B4GALNT3: variants seen among roughly 807,000 people sequenced by gnomAD.
B4GALNT3 encodes the protein beta-1,4-N-acetylgalactosaminyltransferase 3.
In B4GALNT3, 86 loss-of-function variants were observed where a neutral mutation model predicts 120.2. The observed-to-expected ratio is 0.72, with a 90% CI of 0.60 to 0.86. The LOEUF (loss-of-function observed/expected upper bound fraction) is 0.86. B4GALNT3 is among the 40% of genes least tolerant of loss of function. The probability of loss-of-function intolerance (pLI) is 0.00; values close to 1 mark genes in which losing one functional copy is unlikely to be tolerated. For synonymous variants in B4GALNT3, 518 were observed against 510.4 expected (o/e 1.01, Z -0.20); for missense variants, 1,167 against 1,298.9 (o/e 0.90, Z 1.56).
chr12:481,719 C>G (rs1039796439), intron 1 of B4GALNT3, among the ~76,000 whole-genome samples: 2 of 152,160 alleles, frequency 1.3e-5, no homozygotes, highest in African/African-American at 4.8e-5. Flanking sequence ...GGCTGGATGG[C>G]TGGGGGGAGT....
intron 1 of B4GALNT3, among the ~76,000 whole-genome samples, chr12:512,993 C>T (rs1481728706): frequency 7.3e-6 from 1 of 137,408 alleles, no homozygotes; most frequent in Non-Finnish European, 1.6e-5. Flanking sequence ...TTCGATCTTC[C>T]TTCCACCTTC....
intron 1 of B4GALNT3, among the ~76,000 whole-genome samples, chr12:526,823 C>T (rs1483705150): frequency 6.6e-6 from 1 of 152,178 alleles, no homozygotes; most frequent in Non-Finnish European, 1.5e-5. Flanking sequence ...TCCAGACAGA[C>T]TCCATATTCC....
intron 2 of B4GALNT3, 74 bp downstream of exon 2, chr12:535,343 T>C (rs1434097665): frequency 7.6e-7 from 1 of 1,308,740 alleles, no homozygotes; most frequent in Non-Finnish European, 1.1e-6. Context: ...CCAGTTGCCT[T>C]AAGGGTAACC....
At chr12:497,960 C>T (rs558603830) in intron 1 of B4GALNT3, among the ~76,000 whole-genome samples, 4 of 152,304 alleles carry the variant, frequency 2.6e-5, no homozygotes, top group African/African-American at 9.6e-5. Context: ...GACACACACT[C>T]GATTTCTCAG....
At chr12:539,066 TGG>T (rs1946888944) in intron 3 of B4GALNT3, among the ~76,000 whole-genome samples, 1 of 152,180 alleles carries the variant, frequency 6.6e-6, no homozygotes, top group Non-Finnish European at 1.5e-5. Context: ...AAGATGACGA[TGG>T]CCTCCTCTTT....
At chr12:476,525 C>T (rs56352715) in intron 1 of B4GALNT3, among the ~76,000 whole-genome samples, 3,498 of 152,212 alleles carry the variant, frequency 0.023, 62 homozygotes, top group South Asian at 0.076. Flanking sequence ...GCAGGTGGAT[C>T]GCTTGAGCAT....
chr12:544,598 G>A (rs1946968319), intron 4 of B4GALNT3, among the ~76,000 whole-genome samples, 164 bp downstream of exon 4: 2 of 151,906 alleles, frequency 1.3e-5, no homozygotes, highest in Admixed American at 6.5e-5. Flanking sequence ...TCCTTCCTAG[G>A]GATCCTTTCA....
chr12:558,441 A>G, intron 17 of B4GALNT3, 67 bp from the exon 18 acceptor site: 1 of 1,490,192 alleles, frequency 6.7e-7, no homozygotes, highest in Admixed American at 1.8e-5. Context: ...GGCTTCTCCT[A>G]GACGGCGACC....
At chr12:526,692 AATG>A (rs1056316608) in intron 1 of B4GALNT3, among the ~76,000 whole-genome samples, 20 of 151,424 alleles carry the variant, frequency 1.3e-4, no homozygotes, top group African/African-American at 4.1e-4. Flanking sequence ...GTTTGTTTGT[AATG>A]ATGATGATGA....
intron 9 of B4GALNT3, among the ~76,000 whole-genome samples, chr12:549,471 A>C (rs1947049640): frequency 6.6e-6 from 1 of 152,260 alleles, no homozygotes; most frequent in Non-Finnish European, 1.5e-5. Flanking sequence ...AATTAGGCGT[A>C]CTTAATGCCA....
chr12:536,719 A>G (rs1162919107), intron 3 of B4GALNT3, among the ~76,000 whole-genome samples: 2 of 152,238 alleles, frequency 1.3e-5, no homozygotes, highest in Admixed American at 1.3e-4. Context: ...GAGAAGGAAC[A>G]ATCACATTTG....
chr12:469,684 G>A (rs1254977087), intron 1 of B4GALNT3, among the ~76,000 whole-genome samples: 1 of 152,178 alleles, frequency 6.6e-6, no homozygotes, highest in Non-Finnish European at 1.5e-5. Flanking sequence ...CTGGGGGGCT[G>A]TACCAGGACA....
intron 1 of B4GALNT3, among the ~76,000 whole-genome samples, chr12:534,612 G>A (rs1946840053): frequency 1.3e-5 from 2 of 152,164 alleles, no homozygotes; most frequent in Admixed American, 1.3e-4. Context: ...CAGGGCCTCT[G>A]ATCTTGTATC....
At chr12:469,044 G>A (rs866949325) in intron 1 of B4GALNT3, among the ~76,000 whole-genome samples, 1 of 152,334 alleles carries the variant, frequency 6.6e-6, no homozygotes, top group African/African-American at 2.4e-5. Context: ...TAAACCTTGA[G>A]TGGCTGCAGA....
chr12:557,366 G>T (rs1947169737), intron 15 of B4GALNT3, among the ~76,000 whole-genome samples: 1 of 152,138 alleles, frequency 6.6e-6, no homozygotes, highest in Non-Finnish European at 1.5e-5. Flanking sequence ...CCTTCTCGTG[G>T]GTCCCCTGCC....
chr12:531,047 C>G (rs555504778), intron 1 of B4GALNT3, among the ~76,000 whole-genome samples: 1 of 152,138 alleles, frequency 6.6e-6, no homozygotes, highest in Non-Finnish European at 1.5e-5. Context: ...GTTCGCTTAC[C>G]AGAGGGTAAG....
At chr12:542,996 G>A in intron 3 of B4GALNT3, 1 of 677,216 alleles carries the variant, frequency 1.5e-6, no homozygotes. Context: ...GGGAGGGGAG[G>A]AGAGCAAGTC....
intron 1 of B4GALNT3, among the ~76,000 whole-genome samples, chr12:534,389 C>A (rs867179925): frequency 1.3e-5 from 2 of 152,120 alleles, no homozygotes; most frequent in Non-Finnish European, 2.9e-5. Flanking sequence ...TGGCCGGCCG[C>A]CGGACTGATT....
At chr12:498,400 A>C (rs1458779955) in intron 1 of B4GALNT3, among the ~76,000 whole-genome samples, 1 of 151,932 alleles carries the variant, frequency 6.6e-6, no homozygotes, top group Non-Finnish European at 1.5e-5. Flanking sequence ...GATGCTCCAA[A>C]CCCTCTACCA....
Sources: gnomAD v4.1 joint callset for allele counts (sites outside exome capture counted in the v4.1 genomes callset) on GRCh38, gnomAD v4.1.1 for gene constraint, MANE v1.5 for transcripts, NCBI Gene and HGNC (gene_info 2026-07-23, HGNC 2026-07-21) for gene names.